ZCCHC2: variants seen among roughly 807,000 people sequenced by gnomAD.
ZCCHC2 encodes the protein zinc finger CCHC-type containing 2.
A neutral mutation model predicts 103.6 loss-of-function variants in ZCCHC2; 39 were observed. The ratio of observed to expected loss-of-function variants is 0.38; its 90% CI spans 0.29 to 0.49. The LOEUF (loss-of-function observed/expected upper bound fraction) is 0.49. Ranked by LOEUF, ZCCHC2 falls within the 20% of genes least tolerant of loss-of-function variation. ZCCHC2 has a pLI of 0.96. For synonymous variants in ZCCHC2, 687 were observed against 608.9 expected (o/e 1.13, Z -1.89); for missense variants, 1,483 against 1,491.0 (o/e 0.99, Z 0.09).
chr18:62,523,896 C>G lies in ZCCHC2; in HGVS notation c.472C>G (p.Pro158Ala). The change falls in exon 1 of 14, where the codon CCG (proline) becomes GCG (alanine). Residue 158 changes from proline (P) to alanine (A), a missense_variant. By Grantham distance (27) the Pro-to-Ala change is conservative (BLOSUM62 -1). Transcript: ENST00000269499. ...SEAKANGLSDPGPLADFREPA... is the reference protein window; with the variant it reads ...SEAKANGLSDAGPLADFREPA... ...GGCCAAGGCCAACGGCCTCTCGGAC[C>G]CGGGGCCGCTGGCCGACTTCCGAGA... is the stretch of plus-strand genomic sequence containing the variant. The G allele has an allele frequency of 4.5e-6, 7 of 1,539,644 alleles. No individual in the cohort carries two copies. The highest frequency in any genetic ancestry group is 6.1e-6 in the Non-Finnish European group (7 of 1,144,958).
chr18:62,538,094 G>C (rs1004801745), intron 1 of ZCCHC2, among the ~76,000 whole-genome samples: 2 of 151,274 alleles, frequency 1.3e-5, no homozygotes, highest in Admixed American at 1.3e-4. Flanking sequence ...GAAATATTTC[G>C]CTTTAAGCAA....
chr18:62,558,671 T>C lies in ZCCHC2; in HGVS notation c.1409-16T>C, dbSNP rs1384365684. Reference sequence around the variant, plus strand: ...AATTTTCCTAAAAAGTTAATAGTATTGAATGCTTCCTGCAGATAACTTACA... The same window carrying C: ...AATTTTCCTAAAAAGTTAATAGTATCGAATGCTTCCTGCAGATAACTTACA... On this transcript the variant is annotated splice_polypyrimidine_tract_variant and intron_variant, in intron 6 of 13. Transcript: ENST00000269499. 1 of 1,440,746 alleles carries C rather than the reference T, an allele frequency of 6.9e-7. No individual in the cohort carries two copies. Among genetic ancestry groups the C allele is most frequent in the East Asian group, 2.6e-5 (1 of 38,642 alleles). 89.2% of individuals were successfully genotyped at this position (1,440,746 alleles called of 1,614,324 possible). A position where few individuals can be genotyped will look rare whatever the true frequency, so the allele number is the denominator to read the frequency against.
chr18:62,579,826 G>A (rs796980102), downstream of ZCCHC2, among the ~76,000 whole-genome samples: 84 of 152,162 alleles, frequency 5.5e-4, 1 homozygote, highest in African/African-American at 1.9e-3. Flanking sequence ...GGGTTCAAGT[G>A]ATTCTCCTGC....
chr18:62,562,138 A>G lies in ZCCHC2; in HGVS notation c.1551-871A>G, dbSNP rs541633886. Among the ~76,000 whole-genome samples, 378 of 152,132 alleles carry G rather than the reference A, an allele frequency of 2.5e-3. 1 individual carries two copies. Among genetic ancestry groups the G allele is most frequent in the African/African-American group, 8.4e-3 (348 of 41,518 alleles). ...CAGCCTCCCAAGTAGCTGGAACTAC[A>G]GGCACCCGCCACCATGCCTGGCTAA... On this transcript the variant is annotated intron_variant, in intron 8 of 13. Coordinates refer to ENST00000269499, the MANE Select transcript of ZCCHC2 (RefSeq NM_017742.6).
In ZCCHC2 at chr18:62,523,398, C is replaced by T. The variant is rs1598919087; in HGVS notation, c.-27C>T. ...GCGGCCCCTCCCGCCCGCCCCCGCT[C>T]GCATGTCTGCGCCGCCCTAGCCGAG... On this transcript the variant is annotated 5_prime_UTR_variant, in exon 1 of 14. Coordinates refer to ENST00000269499, the MANE Select transcript of ZCCHC2 (RefSeq NM_017742.6). 7 of 1,028,936 alleles carry T rather than the reference C, an allele frequency of 6.8e-6. No individual in the cohort carries two copies. Among genetic ancestry groups the T allele is most frequent in the Non-Finnish European group, 8.1e-6 (7 of 860,452 alleles). The allele number at this position is 1,028,936 out of a possible 1,614,324, so 63.7% of individuals were successfully genotyped here. A position where few individuals can be genotyped will look rare whatever the true frequency, so the allele number is the denominator to read the frequency against.
intron 6 of ZCCHC2, among the ~76,000 whole-genome samples, chr18:62,557,080 T>C (rs1915916368): frequency 6.6e-6 from 1 of 152,206 alleles, no homozygotes; most frequent in African/African-American, 2.4e-5. Flanking sequence ...TCACACCTGT[T>C]TTAAGGCCCA....
chr18:62,558,185 C>A (rs1427340264), intron 6 of ZCCHC2, among the ~76,000 whole-genome samples: 1 of 151,964 alleles, frequency 6.6e-6, no homozygotes, highest in African/African-American at 2.4e-5. Flanking sequence ...GGGAAGTAAT[C>A]CAAAATGTGT....
Position 62,574,886 on chromosome 18 carries a change from G to A in ZCCHC2, c.2805G>A (p.Val935=). 6.2e-7 allele frequency: 1 copy of A among 1,613,798 alleles called. No individual in the cohort carries two copies. Residue 935 remains valine (V), a synonymous_variant, in exon 13 of 14, where the codon GTG becomes GTA. Transcript: ENST00000269499. ...AGVLPSQNSS[V]LSTAATSPQP... Reference sequence around the variant, plus strand: ...TGTTACCCAGCCAGAACTCCAGTGTGCTCAGCACAGCAGCAACTTCTCCCC... The same window carrying A: ...TGTTACCCAGCCAGAACTCCAGTGTACTCAGCACAGCAGCAACTTCTCCCC...
At chr18:62,579,830 C>G (rs1449378099), downstream of ZCCHC2, among the ~76,000 whole-genome samples, 1 of 152,110 alleles carries the variant, frequency 6.6e-6, no homozygotes, top group African/African-American at 2.4e-5. Context: ...TCAAGTGATT[C>G]TCCTGCCTCA....
At chr18:62,534,117 A>G (rs756049382) in intron 1 of ZCCHC2, among the ~76,000 whole-genome samples, 12 of 151,978 alleles carry the variant, frequency 7.9e-5, no homozygotes, top group Non-Finnish European at 1.8e-4. Flanking sequence ...AAATCAGACT[A>G]TTAGCAGCCT....
chr18:62,566,160 G>A (rs1016037139), intron 11 of ZCCHC2, among the ~76,000 whole-genome samples: 103 of 152,294 alleles, frequency 6.8e-4, no homozygotes, highest in African/African-American at 2.3e-3. Context: ...CAGGAGAGTC[G>A]CTTGAACCCG....
chr18:62,533,872 CAAAAA>C (rs35039729), intron 1 of ZCCHC2, among the ~76,000 whole-genome samples: 1 of 99,560 alleles, frequency 1.0e-5, no homozygotes, highest in South Asian at 3.4e-4. Context: ...AACTCTGCCT[CAAAAA>C]AAAAAAAAAA....
chr18:62,577,468 T>C lies in ZCCHC2; in HGVS notation c.*889T>C, dbSNP rs973708755. 6.6e-6 allele frequency: 1 copy of C among 152,466 alleles called. No individual in the cohort carries two copies. The highest frequency in any genetic ancestry group is 2.4e-5 in the African/African-American group (1 of 41,462). The allele number at this position is 152,466 out of a possible 1,614,324, so 9.4% of individuals were successfully genotyped here. On this transcript the variant is annotated 3_prime_UTR_variant, in exon 14 of 14. Coordinates refer to ENST00000269499, the MANE Select transcript of ZCCHC2 (RefSeq NM_017742.6). ...TTACTTGTCTACCACCGTGTTGTGC[T>C]CAAAGAGACACTACTTGAGTGAAGA...
intron 6 of ZCCHC2, among the ~76,000 whole-genome samples, chr18:62,558,246 G>A (rs910680143): frequency 1.3e-5 from 2 of 152,130 alleles, no homozygotes; most frequent in African/African-American, 4.8e-5. Flanking sequence ...TCTGTAACAC[G>A]AGAACAGAAA....
chr18:62,550,562 G>T, intron 5 of ZCCHC2, 102 bp downstream of exon 5: 1 of 794,224 alleles, frequency 1.3e-6, no homozygotes, highest in South Asian at 1.7e-5. Context: ...TCCTTTCTCT[G>T]GCGTACTTCT....
intron 3 of ZCCHC2, among the ~76,000 whole-genome samples, chr18:62,543,042 T>C (rs1915265699): frequency 1.3e-5 from 2 of 152,192 alleles, no homozygotes; most frequent in Admixed American, 1.3e-4. Flanking sequence ...GATTCTGTGC[T>C]CCCAGGTGAA....
At chr18:62,569,228 C>G (rs573767249) in intron 11 of ZCCHC2, among the ~76,000 whole-genome samples, 1 of 152,328 alleles carries the variant, frequency 6.6e-6, no homozygotes, top group South Asian at 2.1e-4. Flanking sequence ...GCCAAAACCA[C>G]AAGTCAGTTG....
Position 62,576,680 on chromosome 18 carries a change from C to T in ZCCHC2, c.*101C>T. The T allele has an allele frequency of 8.7e-7, 1 of 1,150,634 alleles. No homozygotes were observed. The highest frequency in any genetic ancestry group is 1.2e-6 in the Non-Finnish European group (1 of 800,012). The allele number at this position is 1,150,634 out of a possible 1,614,324, so 71.3% of individuals were successfully genotyped here. A position where few individuals can be genotyped will look rare whatever the true frequency, so the allele number is the denominator to read the frequency against. ...ATTTTGTTTCTTTGTCTATACATTT[C>T]CTAGATTTCTATGCAGTTGGGATTT... On this transcript the variant is annotated 3_prime_UTR_variant, in exon 14 of 14. Transcript: ENST00000269499.
At chr18:62,538,355 T>C (rs1021523086) in intron 1 of ZCCHC2, among the ~76,000 whole-genome samples, 1 of 152,178 alleles carries the variant, frequency 6.6e-6, no homozygotes, top group South Asian at 2.1e-4. Context: ...AGCACTTTAT[T>C]TTCTTTGTTT....
Sources: gnomAD v4.1 joint callset for allele counts (sites outside exome capture counted in the v4.1 genomes callset) on GRCh38, gnomAD v4.1.1 for gene constraint, MANE v1.5 for transcripts, NCBI Gene and HGNC (gene_info 2026-07-23, HGNC 2026-07-21) for gene names.